Variants in LOC128092252 observed in about 807,000 individuals in gnomAD.
At chr15:50,678,505 TTA>T in the LOC128092252 span, among the ~76,000 whole-genome samples, 1 of 40,264 alleles carries the variant, frequency 2.5e-5, no homozygotes, top group Non-Finnish European at 5.3e-5. Context: ...GTTCCATTCT[TTA>T]AAAAAAAAAA....
chr15:50,673,782 G>A, the LOC128092252 span, among the ~76,000 whole-genome samples: 1 of 152,050 alleles, frequency 6.6e-6, no homozygotes, highest in Admixed American at 6.6e-5. Flanking sequence ...ATTTTCCTCT[G>A]GTAGATACCC....
chr15:50,680,867 G>A, the LOC128092252 span, among the ~76,000 whole-genome samples: 1 of 152,284 alleles, frequency 6.6e-6, no homozygotes, highest in African/African-American at 2.4e-5. Context: ...TTAGCCTTGT[G>A]ACCGTTGGCA....
At chr15:50,684,155 C>G in the LOC128092252 span, among the ~76,000 whole-genome samples, 11 of 149,838 alleles carry the variant, frequency 7.3e-5, no homozygotes, top group Non-Finnish European at 1.5e-4. Context: ...CTGATTAAGT[C>G]GTTTTTTTTT....
chr15:50,667,114 A>C, the LOC128092252 span, among the ~76,000 whole-genome samples: 3,615 of 152,200 alleles, frequency 0.024, 136 homozygotes, highest in African/African-American at 0.082. Context: ...AATAGACTGC[A>C]GCATTGATTG....
At chr15:50,666,184 T>C in the LOC128092252 span, among the ~76,000 whole-genome samples, 1 of 152,010 alleles carries the variant, frequency 6.6e-6, no homozygotes, top group Admixed American at 6.6e-5. Context: ...TTGGTAAACC[T>C]TTATCAAGAC....
chr15:50,651,673 G>C, the LOC128092252 span, among the ~76,000 whole-genome samples: 1 of 151,846 alleles, frequency 6.6e-6, no homozygotes, highest in Non-Finnish European at 1.5e-5. Flanking sequence ...AGAAGACTGT[G>C]GGAAAAGAAT....
At chr15:50,652,883 C>G in the LOC128092252 span, among the ~76,000 whole-genome samples, 1 of 152,060 alleles carries the variant, frequency 6.6e-6, no homozygotes, top group Non-Finnish European at 1.5e-5. Context: ...AAGACTAGGC[C>G]GGGCACACTG....
At chr15:50,670,465 G>C in the LOC128092252 span, among the ~76,000 whole-genome samples, 2 of 152,122 alleles carry the variant, frequency 1.3e-5, no homozygotes, top group Admixed American at 6.6e-5. Flanking sequence ...GATGGCAACA[G>C]AGTAGACCTC....
chr15:50,658,800 T>G, the LOC128092252 span, among the ~76,000 whole-genome samples: 1 of 152,178 alleles, frequency 6.6e-6, no homozygotes, highest in Non-Finnish European at 1.5e-5. Context: ...CTGCAGAATT[T>G]TTTTCCTAAC....
At chr15:50,662,301 T>C in the LOC128092252 span, among the ~76,000 whole-genome samples, 4 of 149,184 alleles carry the variant, frequency 2.7e-5, no homozygotes, top group South Asian at 8.5e-4. Flanking sequence ...TACTCCAGCC[T>C]GGACGACAGA....
the LOC128092252 span, among the ~76,000 whole-genome samples, chr15:50,675,082 C>T: frequency 6.6e-6 from 1 of 152,208 alleles, no homozygotes; most frequent in Admixed American, 6.5e-5. Flanking sequence ...GTGGCTCATG[C>T]CTGTTATCCC....
chr15:50,682,799 T>A, the LOC128092252 span, among the ~76,000 whole-genome samples: 37 of 152,168 alleles, frequency 2.4e-4, no homozygotes. Flanking sequence ...AAGTTCTTTT[T>A]ACTGATTCAC....
At chr15:50,684,542 G>T in the LOC128092252 span, among the ~76,000 whole-genome samples, 5 of 152,066 alleles carry the variant, frequency 3.3e-5, no homozygotes, top group Admixed American at 3.3e-4. Context: ...TCGGGAGGCT[G>T]AGGCAGGAGA....
At chr15:50,686,533 T>C in the LOC128092252 span, 1 of 1,611,550 alleles carries the variant, frequency 6.2e-7, no homozygotes, top group Non-Finnish European at 8.5e-7. Flanking sequence ...TCCAGTACCA[T>C]TCTCCTCACG....
At chr15:50,656,023 C>A in the LOC128092252 span, among the ~76,000 whole-genome samples, 7 of 150,910 alleles carry the variant, frequency 4.6e-5, no homozygotes, top group African/African-American at 1.7e-4. Context: ...AAAAAAAAAC[C>A]CCTGCTGCAA....
At chr15:50,684,683 CAT>C in the LOC128092252 span, among the ~76,000 whole-genome samples, 2 of 151,946 alleles carry the variant, frequency 1.3e-5, no homozygotes, top group Non-Finnish European at 2.9e-5. Context: ...GAGAAAGAAA[CAT>C]GTTACATGAC....
the LOC128092252 span, among the ~76,000 whole-genome samples, chr15:50,659,284 G>T: frequency 4.6e-5 from 7 of 151,984 alleles, no homozygotes; most frequent in Non-Finnish European, 8.8e-5. Context: ...GGGGGAAGGG[G>T]GATAATCATC....
the LOC128092252 span, among the ~76,000 whole-genome samples, chr15:50,681,264 TAC>T: frequency 0.15 from 21,677 of 146,904 alleles, 2,084 homozygotes; most frequent in Admixed American, 0.28. Flanking sequence ...AATAAATAAA[TAC>T]ACACACACAC....
At chr15:50,678,506 T>TA in the LOC128092252 span, among the ~76,000 whole-genome samples, 840 of 128,604 alleles carry the variant, frequency 6.5e-3, 11 homozygotes, top group African/African-American at 0.024. Context: ...TTCCATTCTT[T>TA]AAAAAAAAAA....
Sources: allele counts gnomAD v4.1 joint callset (sites outside exome capture counted in the v4.1 genomes callset), GRCh38; gene constraint gnomAD v4.1.1; transcripts MANE v1.5.